Variants in DIS3L observed in about 807,000 individuals in gnomAD.
DIS3L encodes DIS3 like exosome 3'-5' exoribonuclease, also known as DIS3-like exonuclease 1.
A neutral mutation model predicts 120.3 loss-of-function variants in DIS3L; 100 were observed. That is an observed-to-expected ratio of 0.83 (90% CI 0.71 to 0.98). DIS3L has a LOEUF of 0.98. DIS3L is among the 50% of genes least tolerant of loss of function. DIS3L has a pLI of 0.00. For synonymous variants in DIS3L, 426 were observed against 470.6 expected (o/e 0.91, Z 1.23); for missense variants, 1,196 against 1,314.2 (o/e 0.91, Z 1.39).
chr15:66,329,727 T>G, intron 14 of DIS3L: 1 of 1,003,730 alleles, frequency 1.0e-6, no homozygotes, highest in Non-Finnish European at 1.2e-6. Flanking sequence ...GCCTGGCCAA[T>G]ATGGTGAAAC....
At chr15:66,321,306 C>T (rs1256252932) in intron 9 of DIS3L, among the ~76,000 whole-genome samples, 1 of 152,170 alleles carries the variant, frequency 6.6e-6, no homozygotes, top group Non-Finnish European at 1.5e-5. Flanking sequence ...ATTGTGTGCA[C>T]ACACTAATTT....
At chr15:66,297,639 G>A (rs574488192) in intron 2 of DIS3L, among the ~76,000 whole-genome samples, 1 of 152,256 alleles carries the variant, frequency 6.6e-6, no homozygotes, top group East Asian at 1.9e-4. Context: ...TAATGTTGGG[G>A]AACATTTTGT....
intron 2 of DIS3L, among the ~76,000 whole-genome samples, chr15:66,303,336 G>GT (rs2092667730): frequency 6.6e-6 from 1 of 152,100 alleles, no homozygotes; most frequent in African/African-American, 2.4e-5. Context: ...GGATCGTATG[G>GT]TATGTCTATT....
At chr15:66,318,662 C>T in intron 8 of DIS3L, 44 bp downstream of exon 8, 2 of 1,585,508 alleles carry the variant, frequency 1.3e-6, no homozygotes, top group Non-Finnish European at 1.7e-6. Flanking sequence ...TACGCTTTCT[C>T]CTTCTGTCTT....
Position 66,326,063 on chromosome 15 carries a change from G to T in DIS3L, c.1900G>T (p.Asp634Tyr), listed in dbSNP as rs370586532. ...GGTGTGGGCAATTGGAAAGCTGACC[G>T]ACATAGCTCGCCATGTCAGAGCTAA... ...ELVWAIGKLTDIARHVRAKRD... is the reference protein window; with the variant it reads ...ELVWAIGKLTYIARHVRAKRD... The change falls in exon 12 of 17, where the codon GAC (aspartate) becomes TAC (tyrosine). Residue 634 changes from aspartate (D) to tyrosine (Y), a missense_variant. Physicochemically the swap from Asp to Tyr is radical, Grantham distance 160. Coordinates refer to ENST00000319212, the MANE Select transcript of DIS3L (RefSeq NM_001143688.3). The T allele has an allele frequency of 6.2e-7, 1 of 1,613,956 alleles. No homozygotes were observed. The highest frequency in any genetic ancestry group is 8.5e-7 in the Non-Finnish European group (1 of 1,179,944).
chr15:66,319,539 T>C, intron 8 of DIS3L, among the ~76,000 whole-genome samples: 1 of 152,178 alleles, frequency 6.6e-6, no homozygotes, highest in Non-Finnish European at 1.5e-5. Flanking sequence ...AGAGAAGACA[T>C]AAACAAGAAG....
chr15:66,322,583 G>T, intron 9 of DIS3L, 104 bp from the exon 10 acceptor site: 1 of 1,515,144 alleles, frequency 6.6e-7, no homozygotes, highest in Non-Finnish European at 8.9e-7. Flanking sequence ...GAAGGTAATT[G>T]AGAATGAATG....
chr15:66,320,802 G>C (rs1378907948), intron 9 of DIS3L, 70 bp downstream of exon 9: 1 of 1,549,390 alleles, frequency 6.5e-7, no homozygotes, highest in African/African-American at 1.4e-5. Context: ...TCATCATTAA[G>C]AAAGAAAAGT....
intron 11 of DIS3L, among the ~76,000 whole-genome samples, chr15:66,324,496 G>A (rs2092916671): frequency 6.6e-6 from 1 of 152,118 alleles, no homozygotes; most frequent in Non-Finnish European, 1.5e-5. Context: ...TTAAAATACA[G>A]TATATGTGAA....
chr15:66,294,160 G>A, intron 1 of DIS3L: 1 of 985,664 alleles, frequency 1.0e-6, no homozygotes, highest in South Asian at 4.7e-5. Flanking sequence ...GACATCGCCT[G>A]CTTTGCAGCC....
chr15:66,308,632 AAGCCAG>A, intron 3 of DIS3L, 71 bp from the exon 4 acceptor site: 1 of 1,535,484 alleles, frequency 6.5e-7, no homozygotes. Context: ...AGGATAGCAA[AAGCCAG>A]ATGTGAAATT....
At chr15:66,326,503 A>C in intron 12 of DIS3L, 139 bp downstream of exon 12, 1 of 978,410 alleles carries the variant, frequency 1.0e-6, no homozygotes, top group Non-Finnish European at 1.5e-6. Flanking sequence ...ATTTTTGAAG[A>C]CACATTTTTC....
chr15:66,294,067 C>G, intron 1 of DIS3L: 1 of 986,404 alleles, frequency 1.0e-6, no homozygotes, highest in Non-Finnish European at 1.2e-6. Context: ...CCTCCCGCCG[C>G]AACCTCGCGC....
chr15:66,293,568 A>G lies in DIS3L; in HGVS notation c.-29A>G. ...CGGCCTTGCCTCCGCCGCGCCCGCC[A>G]CTCCGCGGCCGCCGGGAGACACGCC... On this transcript the variant is annotated 5_prime_UTR_variant, in exon 1 of 17. Coordinates refer to ENST00000319212, the MANE Select transcript of DIS3L (RefSeq NM_001143688.3). The G allele has an allele frequency of 7.1e-7, 1 of 1,410,562 alleles. No individual in the cohort carries two copies. The highest frequency in any genetic ancestry group is 3.4e-5 in the East Asian group (1 of 29,754). 87.4% of individuals were successfully genotyped at this position (1,410,562 alleles called of 1,614,324 possible). A position where few individuals can be genotyped will look rare whatever the true frequency, so the allele number is the denominator to read the frequency against.
intron 1 of DIS3L, 29 bp from the exon 2 acceptor site, chr15:66,294,959 A>C: frequency 6.4e-7 from 1 of 1,573,206 alleles, no homozygotes; most frequent in Non-Finnish European, 8.6e-7. Context: ...AACATTGTCT[A>C]ATCTCTTACA....
intron 12 of DIS3L, 129 bp downstream of exon 12, chr15:66,326,493 A>T (rs771569824): frequency 3.4e-5 from 35 of 1,034,560 alleles, no homozygotes; most frequent in Non-Finnish European, 4.8e-5. Flanking sequence ...GGCTCTCCTC[A>T]TTTTTGAAGA....
intron 7 of DIS3L, 80 bp from the exon 8 acceptor site, chr15:66,318,369 C>A: frequency 6.9e-7 from 1 of 1,449,094 alleles, no homozygotes; most frequent in Non-Finnish European, 9.3e-7. Context: ...TTGTTCTTTT[C>A]CTTACTGCTT....
Position 66,332,809 on chromosome 15 carries a change from T to C in DIS3L, c.2755T>C (p.Ser919Pro). The change falls in exon 16 of 17, where the codon TCT becomes CCT. Residue 919 changes from serine (S) to proline (P), a missense_variant. By Grantham distance (74) the Ser-to-Pro change is moderately conservative. Coordinates refer to ENST00000319212, the MANE Select transcript of DIS3L (RefSeq NM_001143688.3). ...LVISCGPDSC[S>P]EWKPGSLQRF... ...CATCTCATGTGGCCCAGATAGCTGT[T>C]CTGAATGGAAACCAGGATCCCTTCA... 1 of 1,614,060 alleles carries C rather than the reference T, an allele frequency of 6.2e-7. No homozygotes were observed. Among genetic ancestry groups the C allele is most frequent in the Non-Finnish European group, 8.5e-7 (1 of 1,179,998 alleles).
At chr15:66,304,107 A>C (rs974148376) in intron 2 of DIS3L, among the ~76,000 whole-genome samples, 1 of 148,602 alleles carries the variant, frequency 6.7e-6, no homozygotes, top group Non-Finnish European at 1.5e-5. Context: ...AAAAAAAAAA[A>C]AAAAACAATA....
Sources: allele counts gnomAD v4.1 joint callset (sites outside exome capture counted in the v4.1 genomes callset), GRCh38; gene constraint gnomAD v4.1.1; transcripts MANE v1.5; gene names NCBI Gene and HGNC (gene_info 2026-07-23, HGNC 2026-07-21).